Variants in POMGNT1 observed in about 807,000 individuals in gnomAD.
The protein encoded by POMGNT1 is protein O-linked mannose N-acetylglucosaminyltransferase 1 (beta 1,2-).
A neutral mutation model predicts 95.6 loss-of-function variants in POMGNT1; 67 were observed. The ratio of observed to expected loss-of-function variants is 0.70; its 90% CI spans 0.58 to 0.86. The LOEUF (loss-of-function observed/expected upper bound fraction) is 0.86, where lower values mean the gene tolerates loss of function less well. POMGNT1 is among the 40% of genes least tolerant of loss of function. The pLI is 0.00. For synonymous variants in POMGNT1, 298 were observed against 317.9 expected (o/e 0.94, Z 0.66); for missense variants, 719 against 855.2 (o/e 0.84, Z 1.99).
chr1:46,196,606 C>T lies in POMGNT1; in HGVS notation c.354+125G>A. On this transcript the variant is annotated intron_variant, in intron 4 of 21. Coordinates refer to ENST00000371984, the MANE Select transcript of POMGNT1 (RefSeq NM_017739.4). This position sits in a 1 kb window ranked among gnomAD's most constrained non-coding sequence, Gnocchi z 4.4. ...CAGTCTATAGATAAGGAATCGAGGA[C>T]TCCAAAGTCACACAGCTAGAAACTG... is the stretch of plus-strand genomic sequence containing the variant. The T allele has an allele frequency of 3.8e-6, 6 of 1,577,648 alleles. No individual in the cohort carries two copies.
chr1:46,201,231 G>T (rs188044884), upstream of POMGNT1, among the ~76,000 whole-genome samples: 67 of 152,098 alleles, frequency 4.4e-4, no homozygotes, highest in Middle Eastern at 0.021. Context: ...ATAAAGGTAG[G>T]CCAGGCATGG....
chr1:46,197,724 C>T lies in POMGNT1; in HGVS notation c.98G>A (p.Arg33Gln), dbSNP rs1038054819. ...LTWKYKLTNQ[R>Q]ALRRFCQTGA... ...TACCTGACAGAATCTCCGCAGGGCC[C>T]GCTGGTTTGTCAGTTTATACTTCCA... Residue 33 changes from arginine (R) to glutamine (Q), a missense_variant, in exon 2 of 22, where the codon CGG becomes CAG. Physicochemically the swap from Arg to Gln is conservative, Grantham distance 43. Coordinates refer to ENST00000371984, the MANE Select transcript of POMGNT1 (RefSeq NM_017739.4). 9.9e-6 allele frequency: 16 copies of T among 1,613,988 alleles called. No homozygotes were observed. Among genetic ancestry groups the T allele is most frequent in the African/African-American group, 4.0e-5 (3 of 74,898 alleles).
chr1:46,210,803 C>G (rs541798363), intron 1 of POMGNT1, among the ~76,000 whole-genome samples: 1 of 152,074 alleles, frequency 6.6e-6, no homozygotes, highest in Non-Finnish European at 1.5e-5. Context: ...GAGACAAGGT[C>G]TGGTTCTGTT....
chr1:46,196,406 A>G lies in POMGNT1; in HGVS notation c.354+325T>C, dbSNP rs1446614907. Reference sequence around the variant, plus strand: ...GGTAGGGCCAGGTCTGATTACTTTCAGGTCCCCAGTGCCCAGCACAAGGCT... The same window carrying G: ...GGTAGGGCCAGGTCTGATTACTTTCGGGTCCCCAGTGCCCAGCACAAGGCT... On this transcript the variant is annotated intron_variant, in intron 4 of 21. Coordinates refer to ENST00000371984, the MANE Select transcript of POMGNT1 (RefSeq NM_017739.4). The surrounding 1 kb of genome is among the most constrained non-coding windows in gnomAD (Gnocchi z 4.4). Among the ~76,000 whole-genome samples, 1 of 152,238 alleles carries G rather than the reference A, an allele frequency of 6.6e-6. No homozygotes were observed. Among genetic ancestry groups the G allele is most frequent in the Non-Finnish European group, 1.5e-5 (1 of 68,048 alleles).
intron 17 of POMGNT1, 84 bp downstream of exon 17, chr1:46,192,014 G>A: frequency 1.3e-6 from 2 of 1,499,494 alleles, no homozygotes; most frequent in Non-Finnish European, 1.8e-6. Flanking sequence ...CTAGCAAGTA[G>A]CAGAGCTAAG....
At chr1:46,211,184 G>T (rs1216886174) in intron 1 of POMGNT1, among the ~76,000 whole-genome samples, 2 of 152,074 alleles carry the variant, frequency 1.3e-5, no homozygotes, top group Non-Finnish European at 2.9e-5. Flanking sequence ...ACCCAGCAAA[G>T]CCTGTCTGTT....
At chr1:46,203,386 C>A, upstream of POMGNT1, 2 of 1,434,592 alleles carry the variant, frequency 1.4e-6, no homozygotes, top group East Asian at 5.4e-5. Context: ...GAGCCGGTCC[C>A]CGGCGTCCGG....
intron 16 of POMGNT1, 31 bp downstream of exon 16, chr1:46,192,277 T>G (rs1557671876): frequency 6.2e-7 from 1 of 1,614,168 alleles, no homozygotes; most frequent in Non-Finnish European, 8.5e-7. Context: ...GGTAGGGGAC[T>G]CCAGCCCCCT....
Position 46,189,367 on chromosome 1 carries a change from T to G in POMGNT1, c.1896-10A>C, listed in dbSNP as rs773132049. The G allele has an allele frequency of 1.9e-6, 3 of 1,613,910 alleles. No homozygotes were observed. In the Admixed American group the frequency reaches 5.0e-5, roughly 27 times the overall value. ...GGGTGGCTTCTTCACTCTGGGAAAA[T>G]AATACAAGAATGTATAGAGAAGAAG... On this transcript the variant is annotated splice_polypyrimidine_tract_variant and intron_variant, in intron 21 of 21. Transcript: ENST00000371984.
At chr1:46,210,752 C>G (rs149566730) in intron 1 of POMGNT1, among the ~76,000 whole-genome samples, 2 of 152,096 alleles carry the variant, frequency 1.3e-5, no homozygotes, top group Non-Finnish European at 2.9e-5. Context: ...GCTACTTGGA[C>G]GCTCTCTGAA....
chr1:46,193,778 T>C (rs1657986229), intron 10 of POMGNT1, 77 bp downstream of exon 10: 3 of 1,602,414 alleles, frequency 1.9e-6, no homozygotes, highest in Non-Finnish European at 2.6e-6. Flanking sequence ...TCTGCCCACC[T>C]CAAGAGTTCC....
intron 1 of POMGNT1, chr1:46,219,547 G>C (rs1249800434): frequency 4.0e-6 from 3 of 746,444 alleles, no homozygotes; most frequent in African/African-American, 1.7e-5. Flanking sequence ...GCAGCAGTCT[G>C]TCTGCTTCTG....
chr1:46,191,010 C>T, intron 17 of POMGNT1: 1 of 526,930 alleles, frequency 1.9e-6, no homozygotes, highest in Non-Finnish European at 3.6e-6. Context: ...GTCACGGCAG[C>T]TCACACTACT....
chr1:46,200,660 GT>G (rs1658508715), upstream of POMGNT1, among the ~76,000 whole-genome samples: 1 of 152,174 alleles, frequency 6.6e-6, no homozygotes, highest in Admixed American at 6.5e-5. Context: ...AATGTAACCA[GT>G]CACCTAGTCC....
intron 1 of POMGNT1, among the ~76,000 whole-genome samples, chr1:46,213,268 T>C (rs899690838): frequency 1.1e-4 from 16 of 150,952 alleles, no homozygotes; most frequent in African/African-American, 3.6e-4. Flanking sequence ...TACACAAATA[T>C]GATATATGGC....
chr1:46,194,318 A>G lies in POMGNT1; in HGVS notation c.835T>C (p.Cys279Arg). ...CSKVEGYGSV[C>R]SCKDPTPIEF... Reference sequence around the variant, plus strand: ...ATGGGTGTGGGGTCCTTGCAGCTGCATACACTTCCATAGCCCTCAACTTTG... The same window carrying G: ...ATGGGTGTGGGGTCCTTGCAGCTGCGTACACTTCCATAGCCCTCAACTTTG... The change falls in exon 9 of 22, where the codon TGC (cysteine) becomes CGC (arginine). Residue 279 changes from cysteine (C) to arginine (R), a missense_variant. By Grantham distance (180) the Cys-to-Arg change is radical. Transcript: ENST00000371984. 9 of 1,614,152 alleles carry G rather than the reference A, an allele frequency of 5.6e-6. No individual in the cohort carries two copies. The highest frequency in any genetic ancestry group is 5.1e-6 in the Non-Finnish European group (6 of 1,180,034).
Position 46,192,341 on chromosome 1 carries a change from C to T in POMGNT1, c.1380G>A (p.Glu460=), listed in dbSNP as rs1167749728. The T allele has an allele frequency of 3.7e-6, 6 of 1,614,194 alleles. No individual in the cohort carries two copies. The highest frequency in any genetic ancestry group is 3.3e-5 in the Admixed American group (2 of 60,022). Residue 460 remains glutamate, a synonymous_variant, in exon 16 of 22, where the codon GAG becomes GAA. Transcript: ENST00000371984. ...GTGTAGGCCACTTGGGCTCAAGCTC[C>T]TCCTTGTACAAGGACCTCCTGAGCA... ...GWVLRRSLYK[E]ELEPKWPTPE...
At chr1:46,201,232 C>T (rs1658523535), upstream of POMGNT1, among the ~76,000 whole-genome samples, 1 of 152,002 alleles carries the variant, frequency 6.6e-6, no homozygotes, top group Non-Finnish European at 1.5e-5. Context: ...TAAAGGTAGG[C>T]CAGGCATGGT....
intron 17 of POMGNT1, chr1:46,191,284 C>T (rs770168390): frequency 2.2e-5 from 5 of 225,494 alleles, no homozygotes; most frequent in South Asian, 6.8e-5. Flanking sequence ...CCAAGCTGGA[C>T]GCTATTCATT....
Sources: allele counts gnomAD v4.1 joint callset (sites outside exome capture counted in the v4.1 genomes callset), GRCh38; gene constraint gnomAD v4.1.1; non-coding constraint Gnocchi (gnomAD v3.1); transcripts MANE v1.5; gene names NCBI Gene and HGNC (gene_info 2026-07-23, HGNC 2026-07-21).